The following PAPSS1 variants were observed in gnomAD, a reference collection of about 807,000 sequenced individuals.
PAPSS1 encodes the protein 3'-phosphoadenosine 5'-phosphosulfate synthase 1.
A neutral mutation model predicts 72.0 loss-of-function variants in PAPSS1; 50 were observed. The observed-to-expected ratio is 0.69, with a 90% CI of 0.55 to 0.88. The LOEUF is 0.88. Among genes scored for constraint, PAPSS1 ranks in the 40% least tolerant of loss-of-function variants. The pLI, the probability that PAPSS1 is intolerant of heterozygous loss-of-function variation, is 0.00. For synonymous variants in PAPSS1, 261 were observed against 263.6 expected, an observed-to-expected ratio of 0.99 and a Z score of 0.09; for missense variants, 657 against 782.2, an observed-to-expected ratio of 0.84 and a Z score of 1.91.
intron 11 of PAPSS1, among the ~76,000 whole-genome samples, chr4:107,625,966 G>A (rs1317973619): frequency 6.6e-6 from 1 of 151,940 alleles, no homozygotes; most frequent in East Asian, 1.9e-4. Context: ...TGGATCACAA[G>A]GTCAGATCGA....
chr4:107,639,884 T>C (rs976385457), intron 10 of PAPSS1, among the ~76,000 whole-genome samples: 2 of 152,198 alleles, frequency 1.3e-5, no homozygotes, highest in African/African-American at 4.8e-5. Context: ...TGTTCTACTG[T>C]CCCTGGTGAA....
At chr4:107,641,389 T>A (rs1726538266) in intron 10 of PAPSS1, among the ~76,000 whole-genome samples, 1 of 152,186 alleles carries the variant, frequency 6.6e-6, no homozygotes, top group Non-Finnish European at 1.5e-5. Flanking sequence ...AATCCCCACC[T>A]GTCCATGCTA....
At chr4:107,621,608 C>CTGTTTTTTTTTTTTTT (rs1725956094) in intron 11 of PAPSS1, among the ~76,000 whole-genome samples, 1 of 48,148 alleles carries the variant, frequency 2.1e-5, no homozygotes, top group Non-Finnish European at 3.9e-5. Flanking sequence ...GGTTTTTTAT[C>CTGTTTTTTTTTTTTTT]TTTTTTTTTT....
At chr4:107,702,388 T>C (rs72885248) in intron 1 of PAPSS1, among the ~76,000 whole-genome samples, 1 of 152,324 alleles carries the variant, frequency 6.6e-6, no homozygotes, top group African/African-American at 2.4e-5. Context: ...ACAGCAGCAT[T>C]TTCAGAAATA....
At chr4:107,698,898 A>G (rs1723139133) in intron 2 of PAPSS1, among the ~76,000 whole-genome samples, 1 of 152,064 alleles carries the variant, frequency 6.6e-6, no homozygotes, top group Non-Finnish European at 1.5e-5. Context: ...TATTTAACCA[A>G]AGCCTAACCT....
intron 10 of PAPSS1, among the ~76,000 whole-genome samples, chr4:107,639,391 T>A (rs918440270): frequency 6.6e-6 from 1 of 152,152 alleles, no homozygotes; most frequent in Non-Finnish European, 1.5e-5. Flanking sequence ...AATCTAAAAC[T>A]CAGTTTTGTA....
chr4:107,665,373 C>T (rs529900884), intron 5 of PAPSS1, among the ~76,000 whole-genome samples: 2 of 152,346 alleles, frequency 1.3e-5, no homozygotes, highest in South Asian at 2.1e-4. Context: ...TGGTCCCTGC[C>T]ACATGAGCTA....
rs140573524 is a variant in PAPSS1 at position 107,645,158 on chromosome 4, C to T, written c.1238-88G>A. 6 of 990,554 alleles carry T rather than the reference C, an allele frequency of 6.1e-6. No homozygotes were observed. In the African/African-American group the frequency reaches 8.7e-5, roughly 14 times the overall value. The allele number at this position is 990,554 out of a possible 1,614,324, so 61.4% of individuals were successfully genotyped here. ...ACGCAATTTTTCTTAAAACTTGATA[C>T]TTAGGATTAAGCAAAACATATGCAA... On this transcript the variant is annotated intron_variant, in intron 9 of 11. Coordinates refer to ENST00000265174, the MANE Select transcript of PAPSS1 (RefSeq NM_005443.5).
intron 9 of PAPSS1, among the ~76,000 whole-genome samples, chr4:107,646,214 T>A (rs1156330755): frequency 6.6e-6 from 1 of 151,942 alleles, no homozygotes; most frequent in Non-Finnish European, 1.5e-5. Context: ...TTTCTATCCT[T>A]CTCAATGTAC....
chr4:107,715,810 G>A (rs1409973819), intron 1 of PAPSS1, among the ~76,000 whole-genome samples: 1 of 152,188 alleles, frequency 6.6e-6, no homozygotes, highest in Non-Finnish European at 1.5e-5. Context: ...TCATGTGCCA[G>A]GAACCATAGT....
intron 3 of PAPSS1, 38 bp from the exon 4 acceptor site, chr4:107,687,215 C>T: frequency 1.4e-6 from 2 of 1,477,118 alleles, no homozygotes; most frequent in Non-Finnish European, 1.8e-6. Context: ...TCACACAAAT[C>T]ACAAACGTAC....
chr4:107,701,624 C>A (rs1173452528), intron 1 of PAPSS1, among the ~76,000 whole-genome samples: 11 of 152,124 alleles, frequency 7.2e-5, no homozygotes, highest in Admixed American at 7.2e-4. Flanking sequence ...TTCATTTATT[C>A]GTTCATCCAT....
At chr4:107,701,339 AAC>A (rs1723201851) in intron 1 of PAPSS1, 54 bp from the exon 2 acceptor site, 2 of 1,086,810 alleles carry the variant, frequency 1.8e-6, no homozygotes, top group African/African-American at 1.6e-5. Context: ...TTAAAAGGCA[AAC>A]ACATATTCCT....
chr4:107,695,517 C>T (rs948461677), intron 2 of PAPSS1, among the ~76,000 whole-genome samples: 1 of 152,118 alleles, frequency 6.6e-6, no homozygotes, highest in African/African-American at 2.4e-5. Context: ...GCCAGAACTT[C>T]CAATATTATG....
At chr4:107,702,727 C>CT (rs1477541511) in intron 1 of PAPSS1, among the ~76,000 whole-genome samples, 2 of 152,082 alleles carry the variant, frequency 1.3e-5, no homozygotes, top group African/African-American at 4.8e-5. Flanking sequence ...AAATATACTA[C>CT]TTTTTTTTAA....
At chr4:107,648,726 A>C (rs1035539139) in intron 9 of PAPSS1, among the ~76,000 whole-genome samples, 1 of 152,226 alleles carries the variant, frequency 6.6e-6, no homozygotes, top group Non-Finnish European at 1.5e-5. Context: ...GCAGCTAAAC[A>C]AGACAATGGT....
chr4:107,690,931 A>G (rs2110341180), intron 3 of PAPSS1, among the ~76,000 whole-genome samples: 1 of 152,272 alleles, frequency 6.6e-6, no homozygotes, highest in South Asian at 2.1e-4. Context: ...TCCCACCAGA[A>G]GGTATAAGAA....
intron 4 of PAPSS1, among the ~76,000 whole-genome samples, chr4:107,684,917 T>C (rs1052332544): frequency 2.0e-5 from 3 of 152,172 alleles, no homozygotes; most frequent in African/African-American, 7.2e-5. Flanking sequence ...AAAAATTTTT[T>C]TTTTTTTAGA....
At chr4:107,631,888 C>A in intron 10 of PAPSS1, 28 bp from the exon 11 acceptor site, 2 of 1,513,122 alleles carry the variant, frequency 1.3e-6, no homozygotes, top group South Asian at 2.3e-5. Flanking sequence ...TTTTAGGTAA[C>A]TTTGCTTTTA....
Sources: gnomAD v4.1 joint callset for allele counts (sites outside exome capture counted in the v4.1 genomes callset) on GRCh38, gnomAD v4.1.1 for gene constraint, MANE v1.5 for transcripts, NCBI Gene and HGNC (gene_info 2026-07-23, HGNC 2026-07-21) for gene names.